Variants in FGGY observed in about 807,000 individuals in gnomAD.
The protein encoded by FGGY is FGGY carbohydrate kinase domain-containing protein.
FGGY carries 72 observed loss-of-function variants against 71.3 expected under a neutral mutation model. The ratio of observed to expected loss-of-function variants is 1.01; its 90% confidence interval spans 0.84 to 1.23. The LOEUF (loss-of-function observed/expected upper bound fraction) is 1.23. FGGY is among the 50% of genes most tolerant of loss of function. The pLI is 0.00. For missense variants in FGGY, 668 were observed against 682.3 expected (o/e 0.98, Z 0.23); for synonymous variants, 251 against 250.3 (o/e 1.00, Z -0.02).
At chr1:59,480,990 A>T (rs2093446301) in intron 6 of FGGY, among the ~76,000 whole-genome samples, 1 of 152,192 alleles carries the variant, frequency 6.6e-6, no homozygotes, top group African/African-American at 2.4e-5. Context: ...CATTTTGTTT[A>T]AATTCTATTT....
At chr1:59,465,181 AC>A (rs2092539124) in intron 6 of FGGY, among the ~76,000 whole-genome samples, 1 of 152,200 alleles carries the variant, frequency 6.6e-6, no homozygotes, top group African/African-American at 2.4e-5. Flanking sequence ...AGTTGGTTTC[AC>A]CCCTGGGATG....
At position 59,655,499 on chromosome 1, in the gene FGGY, C is replaced by A. The variant is rs144420869; in HGVS notation, c.1222-4720C>A. On this transcript the variant is annotated intron_variant, in intron 11 of 15. Transcript: ENST00000303721. The stretch of plus-strand genomic sequence containing the variant: ...GTGTCCATGTGTTCTCATTGTTCAA[C>A]TCCCACTTATGAGTGAGAACATGTG... Among the ~76,000 whole-genome samples, 4 of 147,804 alleles carry A rather than the reference C, an allele frequency of 2.7e-5. No individual in the cohort carries two copies. In the East Asian group the frequency reaches 8.7e-4, roughly 32 times the overall value.
At chr1:59,700,644 G>A (rs573478102) in intron 14 of FGGY, among the ~76,000 whole-genome samples, 3 of 152,218 alleles carry the variant, frequency 2.0e-5, no homozygotes, top group Admixed American at 6.5e-5. Flanking sequence ...TCCTCACTGA[G>A]TGCCTCTAGC....
chr1:59,646,662 G>A (rs372515859), intron 11 of FGGY, among the ~76,000 whole-genome samples: 10 of 152,118 alleles, frequency 6.6e-5, no homozygotes, highest in East Asian at 1.9e-4. Flanking sequence ...CAGGCACCAT[G>A]GTAGATGCTT....
At chr1:59,539,087 A>G (rs2095396449) in intron 7 of FGGY, among the ~76,000 whole-genome samples, 2 of 152,196 alleles carry the variant, frequency 1.3e-5, no homozygotes, top group African/African-American at 4.8e-5. Context: ...TAAGACATCT[A>G]TGCAGAAAGG....
intron 8 of FGGY, among the ~76,000 whole-genome samples, chr1:59,558,006 G>A (rs2095718132): frequency 6.6e-6 from 1 of 152,116 alleles, no homozygotes; most frequent in African/African-American, 2.4e-5. Flanking sequence ...TCATTGAAGG[G>A]ATGTGGAGAC....
At chr1:59,409,129 G>A (rs2063204914) in intron 5 of FGGY, among the ~76,000 whole-genome samples, 1 of 151,962 alleles carries the variant, frequency 6.6e-6, no homozygotes, top group Non-Finnish European at 1.5e-5. Flanking sequence ...TATGCTTTAG[G>A]AAGTATCTGA....
intron 6 of FGGY, among the ~76,000 whole-genome samples, chr1:59,503,591 C>T (rs592484): frequency 0.44 from 60,992 of 140,104 alleles, 14,244 homozygotes; most frequent in African/African-American, 0.62. Context: ...TTTGTGGTGT[C>T]GCCATATATA....
intron 7 of FGGY, among the ~76,000 whole-genome samples, chr1:59,536,815 C>G (rs1047533795): frequency 1.3e-5 from 2 of 152,304 alleles, no homozygotes; most frequent in South Asian, 4.2e-4. Context: ...GCTAAAAACT[C>G]TCAATAAATT....
At chr1:59,622,996 A>G (rs75846136) in intron 9 of FGGY, among the ~76,000 whole-genome samples, 4,901 of 152,270 alleles carry the variant, frequency 0.032, 114 homozygotes, top group African/African-American at 0.066. Flanking sequence ...GCATTGCTCT[A>G]GGCACTGAGG....
At chr1:59,705,604 A>G (rs2097752310) in intron 14 of FGGY, among the ~76,000 whole-genome samples, 2 of 152,224 alleles carry the variant, frequency 1.3e-5, no homozygotes, top group African/African-American at 4.8e-5. Flanking sequence ...AAGAAGCTGG[A>G]TACTGAGCAT....
At chr1:59,442,438 G>T (rs1254594414) in intron 5 of FGGY, among the ~76,000 whole-genome samples, 2 of 152,022 alleles carry the variant, frequency 1.3e-5, no homozygotes, top group Non-Finnish European at 2.9e-5. Flanking sequence ...TTTTGTTTTT[G>T]TTTTTGTTTT....
At chr1:59,578,032 GC>G (rs1439931669) in intron 8 of FGGY, among the ~76,000 whole-genome samples, 1 of 152,132 alleles carries the variant, frequency 6.6e-6, no homozygotes, top group Non-Finnish European at 1.5e-5. Context: ...TGAAACTTGT[GC>G]TAAACGTCAC....
At chr1:59,671,837 G>A (rs1299618019) in intron 13 of FGGY, among the ~76,000 whole-genome samples, 1 of 152,132 alleles carries the variant, frequency 6.6e-6, no homozygotes, top group Non-Finnish European at 1.5e-5. Context: ...CTAAGTCAGT[G>A]GGGAAGCCAG....
At chr1:59,484,562 A>G (rs761173721) in intron 6 of FGGY, among the ~76,000 whole-genome samples, 2 of 152,322 alleles carry the variant, frequency 1.3e-5, no homozygotes, top group East Asian at 3.9e-4. Context: ...TATGAGCCTC[A>G]TTATATATCC....
chr1:59,318,004 G>A (rs1452221789), intron 1 of FGGY, among the ~76,000 whole-genome samples: 1 of 152,192 alleles, frequency 6.6e-6, no homozygotes, highest in East Asian at 1.9e-4. Flanking sequence ...GCCCCCAGCA[G>A]AGTCCTTGAC....
Position 59,724,261 on chromosome 1 carries a change from G to A in FGGY, c.1513-33670G>A, listed in dbSNP as rs191655192. Reference sequence around the variant, plus strand: ...TGGGAGGCCGAGGCAGGCAGATCACGAGGTCAGGAGATCAAGACCATCCTG... The same window carrying A: ...TGGGAGGCCGAGGCAGGCAGATCACAAGGTCAGGAGATCAAGACCATCCTG... On this transcript the variant is annotated intron_variant, in intron 14 of 15. Coordinates refer to ENST00000303721, the MANE Select transcript of FGGY (RefSeq NM_018291.5). 2.7e-3 allele frequency among the ~76,000 whole-genome samples: 413 copies of A among 150,866 alleles called. 3 individuals are homozygous for A. Among genetic ancestry groups the A allele is most frequent in the African/African-American group, 9.6e-3 (396 of 41,046 alleles).
At chr1:59,689,854 T>C (rs2097575074) in intron 14 of FGGY, among the ~76,000 whole-genome samples, 1 of 152,188 alleles carries the variant, frequency 6.6e-6, no homozygotes, top group African/African-American at 2.4e-5. Context: ...AGCCACTTTC[T>C]ACCAGCTCAA....
At chr1:59,361,022 G>GC (rs993750415) in intron 4 of FGGY, among the ~76,000 whole-genome samples, 4 of 152,048 alleles carry the variant, frequency 2.6e-5, no homozygotes, top group African/African-American at 9.7e-5. Context: ...CCATCCTGAG[G>GC]CCCCCCTGAG....
Sources: allele counts gnomAD v4.1 joint callset (sites outside exome capture counted in the v4.1 genomes callset), GRCh38; gene constraint gnomAD v4.1.1; transcripts MANE v1.5; gene names NCBI Gene and HGNC (gene_info 2026-07-23, HGNC 2026-07-21).